LRRIQ1: variants seen among roughly 807,000 people sequenced by gnomAD.
The protein encoded by LRRIQ1 is leucine-rich repeat- and IQ domain-containing protein 1.
A neutral mutation model predicts 211.9 loss-of-function variants in LRRIQ1; 210 were observed. That is an observed-to-expected ratio of 0.99 (90% confidence interval 0.89 to 1.11). The LOEUF (loss-of-function observed/expected upper bound fraction) is 1.11, where lower values mean the gene tolerates loss of function less well. Among genes scored for constraint, LRRIQ1 ranks in the 50% most tolerant of loss-of-function variants. The probability of loss-of-function intolerance (pLI) is 0.00; values close to 1 mark genes in which losing one functional copy is unlikely to be tolerated. For synonymous variants in LRRIQ1, 699 were observed against 650.1 expected (o/e 1.08, Z -1.14); for missense variants, 2,136 against 1,939.5 (o/e 1.10, Z -1.90).
At chr12:85,161,896 CG>C (rs1302897205) in intron 24 of LRRIQ1, among the ~76,000 whole-genome samples, 1 of 151,862 alleles carries the variant, frequency 6.6e-6, no homozygotes, top group Admixed American at 6.6e-5. Context: ...AAAAATTAGC[CG>C]GGCGTGGTGG....
intron 13 of LRRIQ1, among the ~76,000 whole-genome samples, chr12:85,100,225 T>A (rs901218136): frequency 6.6e-6 from 1 of 151,822 alleles, no homozygotes; most frequent in Non-Finnish European, 1.5e-5. Context: ...AATCAAGAAA[T>A]TTTTTGACAA....
Position 85,124,455 on chromosome 12 carries a change from A to C in LRRIQ1, c.3943A>C (p.Lys1315Gln). ...SSIPTIRIPF[K>Q]EVVMTNSLLR... ...TATTCCCACCATAAGAATCCCATTT[A>C]AGGAAGTAGTAATGACAAATTCTTT... Residue 1315 changes from lysine to glutamine, a missense_variant, in exon 17 of 27, where the codon AAG becomes CAG. By Grantham distance (53) the Lys-to-Gln change is moderately conservative (BLOSUM62 1). Coordinates refer to ENST00000393217, the MANE Select transcript of LRRIQ1 (RefSeq NM_001079910.2). The C allele has an allele frequency of 6.2e-7, 1 of 1,613,886 alleles. No individual in the cohort carries two copies. Among genetic ancestry groups the C allele is most frequent in the Non-Finnish European group, 8.5e-7 (1 of 1,180,020 alleles).
At position 85,124,503 on chromosome 12, in the gene LRRIQ1, G is replaced by A; in HGVS notation, c.3991G>A (p.Glu1331Lys). The change falls in exon 17 of 27, where the codon GAG becomes AAG. Residue 1331 changes from glutamate to lysine, a missense_variant. Physicochemically the swap from Glu to Lys is moderately conservative, Grantham distance 56 (BLOSUM62 1). Coordinates refer to ENST00000393217, the MANE Select transcript of LRRIQ1 (RefSeq NM_001079910.2). ...NSLLRNHQNI[E>K]PSEKIMAAVV... Reference sequence around the variant, plus strand: ...TTTGCTGAGGAATCACCAAAATATTGAGCCTAGTGAAAAAATGTAAGATAT... The same window carrying A: ...TTTGCTGAGGAATCACCAAAATATTAAGCCTAGTGAAAAAATGTAAGATAT... 1 of 1,610,578 alleles carries A rather than the reference G, an allele frequency of 6.2e-7. No homozygotes were observed.
chr12:85,242,265 G>A (rs1428330786), intron 26 of LRRIQ1, among the ~76,000 whole-genome samples: 2 of 151,846 alleles, frequency 1.3e-5, no homozygotes, highest in Non-Finnish European at 2.9e-5. Context: ...TTCAGGTTAA[G>A]TTGGCCCTCC....
Position 85,127,736 on chromosome 12 carries a change from C to T in LRRIQ1, c.4008-96C>T, listed in dbSNP as rs968199995. 3 of 962,868 alleles carry T rather than the reference C, an allele frequency of 3.1e-6. No individual in the cohort carries two copies. In the African/African-American group the frequency reaches 5.0e-5, roughly 16 times the overall value. 59.6% of individuals were successfully genotyped at this position (962,868 alleles called of 1,614,324 possible). A position where few individuals can be genotyped will look rare whatever the true frequency, so the allele number is the denominator to read the frequency against. On this transcript the variant is annotated intron_variant, in intron 17 of 26. Coordinates refer to ENST00000393217, the MANE Select transcript of LRRIQ1 (RefSeq NM_001079910.2). ...ATTTTTAAATAATACTTTATGTGTT[C>T]TTTGTTTAAAATCTTGTTTAGGAGG...
chr12:85,240,633 A>G (rs993333561), intron 26 of LRRIQ1, among the ~76,000 whole-genome samples: 2 of 152,152 alleles, frequency 1.3e-5, no homozygotes. Context: ...TAAAGAAATG[A>G]TGGTACATAC....
Position 85,162,411 on chromosome 12 carries a change from G to C in LRRIQ1, c.4822+1697G>C, listed in dbSNP as rs1437098279. On this transcript the variant is annotated intron_variant, in intron 24 of 26. Transcript: ENST00000393217. ...TGCTAAAATCAGTAATAACTCTACA[G>C]ATATTGTTTATTAAATAGGAATGTT... Among the ~76,000 whole-genome samples, 4 of 152,044 alleles carry C rather than the reference G, an allele frequency of 2.6e-5. No individual in the cohort carries two copies. The East Asian group carries it at 7.7e-4, about 29-fold the overall frequency.
At chr12:85,237,514 A>G (rs138624415) in intron 26 of LRRIQ1, among the ~76,000 whole-genome samples, 267 of 152,206 alleles carry the variant, frequency 1.8e-3, no homozygotes, top group African/African-American at 6.1e-3. Context: ...ATACTGCACT[A>G]TGTGACTCAT....
chr12:85,067,485 A>C (rs1592730508), intron 10 of LRRIQ1, among the ~76,000 whole-genome samples: 1 of 151,890 alleles, frequency 6.6e-6, no homozygotes, highest in Admixed American at 6.6e-5. Context: ...CTTAAGGACC[A>C]GTCCTTTTAT....
chr12:85,057,450 T>C (rs1881258507), intron 8 of LRRIQ1, among the ~76,000 whole-genome samples: 1 of 152,062 alleles, frequency 6.6e-6, no homozygotes, highest in African/African-American at 2.4e-5. Context: ...CTCCAGTCAT[T>C]ATTTAAACCT....
intron 23 of LRRIQ1, among the ~76,000 whole-genome samples, chr12:85,154,728 A>G (rs1474966031): frequency 6.6e-6 from 1 of 151,244 alleles, no homozygotes; most frequent in African/African-American, 2.4e-5. Flanking sequence ...TTTAATTAAA[A>G]CTATTTAAAA....
intron 15 of LRRIQ1, among the ~76,000 whole-genome samples, chr12:85,108,461 C>G (rs1442842104): frequency 1.3e-5 from 2 of 152,096 alleles, no homozygotes; most frequent in Non-Finnish European, 2.9e-5. Context: ...CCTGTGGGAA[C>G]TAATCTCCTA....
chr12:85,194,946 CAGAG>C (rs940657301), intron 24 of LRRIQ1, among the ~76,000 whole-genome samples: 7 of 151,868 alleles, frequency 4.6e-5, no homozygotes, highest in East Asian at 3.9e-4. Context: ...AAAGAAAAAA[CAGAG>C]AGAAGAATCA....
rs192271213 is a variant in LRRIQ1 at position 85,100,649 on chromosome 12, T to C, written c.3209+1655T>C. On this transcript the variant is annotated intron_variant, in intron 13 of 26. Transcript: ENST00000393217. The stretch of plus-strand genomic sequence containing the variant: ...GTGATTTTGACATTTCAAATAATAC[T>C]GTCACTGATACTGGAATGTATTTCT... 9.2e-5 allele frequency among the ~76,000 whole-genome samples: 14 copies of C among 151,862 alleles called. No individual in the cohort carries two copies. The East Asian group carries it at 2.7e-3, about 29-fold the overall frequency.
In LRRIQ1 at chr12:85,124,241, T is replaced by C. The variant is rs1478065393; in HGVS notation, c.3729T>C (p.Thr1243=). Residue 1243 remains threonine (T), a synonymous_variant, in exon 17 of 27, where the codon ACT becomes ACC. Transcript: ENST00000393217. ...TGGCCCCTACAAACAGTGACAGCAC[T>C]CTGCAAAATGGAGTCTTCTACTCTT... is the stretch of plus-strand genomic sequence containing the variant. The part of the protein sequence containing the change: ...NHLAPTNSDS[T]LQNGVFYSCA... 6.2e-7 allele frequency: 1 copy of C among 1,614,032 alleles called. No homozygotes were observed. Among genetic ancestry groups the C allele is most frequent in the Admixed American group, 1.7e-5 (1 of 60,012 alleles).
intron 24 of LRRIQ1, among the ~76,000 whole-genome samples, chr12:85,195,069 C>T (rs1892821559): frequency 6.6e-6 from 1 of 152,140 alleles, no homozygotes; most frequent in Non-Finnish European, 1.5e-5. Flanking sequence ...ACTAGAAAAT[C>T]TAGAAGAAAT....
Position 85,073,071 on chromosome 12 carries a change from TTCCTTATC to T in LRRIQ1, c.2864_2871del (p.Leu955ProfsTer26), listed in dbSNP as rs1236606417. ...ACTTACAAAAAATTCAGATTGTAAT[TTCCTTATC>T]TCCCACTTATACTGGAATTGTAAGT... On this transcript the variant is annotated frameshift_variant, in exon 11 of 27. Transcript: ENST00000393217. LOFTEE classifies it high-confidence loss of function. 2 of 1,607,420 alleles carry T rather than the reference TTCCTTATC, an allele frequency of 1.2e-6. No individual in the cohort carries two copies. Among genetic ancestry groups the T allele is most frequent in the African/African-American group, 2.7e-5 (2 of 74,486 alleles).
chr12:85,209,339 G>T (rs1317915216), intron 24 of LRRIQ1, among the ~76,000 whole-genome samples: 1 of 152,060 alleles, frequency 6.6e-6, no homozygotes, highest in Non-Finnish European at 1.5e-5. Context: ...GTGAACAAAA[G>T]GGGGAAAAGC....
At chr12:85,270,721 C>G in the LRRIQ1 span, among the ~76,000 whole-genome samples, 3 of 152,232 alleles carry the variant, frequency 2.0e-5, no homozygotes, top group South Asian at 4.1e-4. Flanking sequence ...TGACCAGGCA[C>G]TGTTCTAAAT....
Sources: gnomAD v4.1 joint callset for allele counts (sites outside exome capture counted in the v4.1 genomes callset) on GRCh38, gnomAD v4.1.1 for gene constraint, MANE v1.5 for transcripts, NCBI Gene and HGNC (gene_info 2026-07-23, HGNC 2026-07-21) for gene names.